STEAP1B: variants seen among roughly 807,000 people sequenced by gnomAD.
The protein encoded by STEAP1B is STEAP family member 1B, also known as STEAP family protein MGC87042.
A neutral mutation model predicts 27.9 loss-of-function variants in STEAP1B; 13 were observed. The ratio of observed to expected loss-of-function variants is 0.47; its 90% CI spans 0.30 to 0.74. The LOEUF is 0.74. STEAP1B is among the 30% of genes least tolerant of loss of function. The pLI, the probability that STEAP1B is intolerant of heterozygous loss-of-function variation, is 0.06. For missense variants in STEAP1B, 250 were observed against 298.7 expected, an observed-to-expected ratio of 0.84 and a Z score of 1.20; for synonymous variants, 86 against 107.1, an observed-to-expected ratio of 0.80 and a Z score of 1.22.
At chr7:22,439,857 A>G (rs1196071661) in intron 4 of STEAP1B, among the ~76,000 whole-genome samples, 1 of 152,204 alleles carries the variant, frequency 6.6e-6, no homozygotes, top group East Asian at 1.9e-4. Context: ...CTACACCCCA[A>G]TAAAACACCA....
Position 22,462,436 on chromosome 7 carries a change from G to C in STEAP1B, c.762+30129C>G, listed in dbSNP as rs1228960355. On this transcript the variant is annotated intron_variant, in intron 4 of 4. Coordinates refer to ENST00000678116, the MANE Select transcript of STEAP1B (RefSeq NM_001382447.1). ...GTGATGTTCCCCTTCCTGTGTCCAT[G>C]TGTTCTCATTGTTCAATTCCCACCT... Among the ~76,000 whole-genome samples the C allele has an allele frequency of 4.8e-5, 6 of 124,102 alleles. No homozygotes were observed. In the East Asian group the frequency reaches 1.5e-3, roughly 30 times the overall value. 81.4% of individuals were successfully genotyped at this position (124,102 alleles called of 152,430 possible).
intron 1 of STEAP1B, among the ~76,000 whole-genome samples, chr7:22,496,311 A>G (rs1337704221): frequency 3.3e-5 from 5 of 152,202 alleles, no homozygotes; most frequent in Non-Finnish European, 7.4e-5. Flanking sequence ...AGTAAAAACA[A>G]TAAGTTAATA....
chr7:22,450,015 G>A (rs552211312), intron 4 of STEAP1B, among the ~76,000 whole-genome samples: 3 of 152,064 alleles, frequency 2.0e-5, no homozygotes, highest in Non-Finnish European at 4.4e-5. Flanking sequence ...AGAGTTGTTT[G>A]AGCTCCTTTT....
Position 22,419,619 on chromosome 7 carries a change from T to A in STEAP1B, c.*185A>T. 1 of 526,656 alleles carries A rather than the reference T, an allele frequency of 1.9e-6. No homozygotes were observed. The highest frequency in any genetic ancestry group is 3.7e-5 in the Admixed American group (1 of 26,862). The allele number at this position is 526,656 out of a possible 1,614,324, so 32.6% of individuals were successfully genotyped here. A position where few individuals can be genotyped will look rare whatever the true frequency, so the allele number is the denominator to read the frequency against. ...TATGGACTTTTTGTTTGCTCTCTCA[T>A]GAGTCCGCTGGGGGATCCACTCATC... On this transcript the variant is annotated 3_prime_UTR_variant, in exon 5 of 5. Coordinates refer to ENST00000678116, the MANE Select transcript of STEAP1B (RefSeq NM_001382447.1).
At chr7:22,420,553 G>A (rs543942820) in intron 4 of STEAP1B, among the ~76,000 whole-genome samples, 10 of 152,320 alleles carry the variant, frequency 6.6e-5, no homozygotes, top group South Asian at 4.1e-4. Flanking sequence ...CTACAAATCC[G>A]GCTTTGTTCT....
chr7:22,474,536 T>C (rs1785939143), intron 4 of STEAP1B, among the ~76,000 whole-genome samples: 1 of 152,226 alleles, frequency 6.6e-6, no homozygotes, highest in Non-Finnish European at 1.5e-5. Context: ...GGGTTCAAAA[T>C]GGTCTGTTGA....
chr7:22,472,539 C>T (rs548829179), intron 4 of STEAP1B, among the ~76,000 whole-genome samples: 12 of 152,310 alleles, frequency 7.9e-5, no homozygotes, highest in African/African-American at 2.6e-4. Flanking sequence ...AGAAGTTTTA[C>T]GGCAAGTTGA....
chr7:22,486,128 G>A (rs1403710948), intron 4 of STEAP1B, among the ~76,000 whole-genome samples: 1 of 151,912 alleles, frequency 6.6e-6, no homozygotes, highest in Non-Finnish European at 1.5e-5. Context: ...CCAGGGGCAA[G>A]GGCACACATC....
At chr7:22,447,957 T>C (rs779419795) in intron 4 of STEAP1B, among the ~76,000 whole-genome samples, 5 of 152,258 alleles carry the variant, frequency 3.3e-5, no homozygotes, top group Non-Finnish European at 5.9e-5. Context: ...ATAAACGTCA[T>C]GCAACCCATA....
At chr7:22,479,956 T>C (rs1365280127) in intron 4 of STEAP1B, among the ~76,000 whole-genome samples, 2 of 152,156 alleles carry the variant, frequency 1.3e-5, no homozygotes, top group African/African-American at 4.8e-5. Context: ...AATTAAAATT[T>C]AAAGATTCTC....
At chr7:22,482,215 A>G (rs755983737) in intron 4 of STEAP1B, among the ~76,000 whole-genome samples, 1 of 152,202 alleles carries the variant, frequency 6.6e-6, no homozygotes, top group Non-Finnish European at 1.5e-5. Context: ...AAGGGTTCCC[A>G]GAAGCAGAGC....
chr7:22,495,086 A>G (rs1472307494), intron 1 of STEAP1B, among the ~76,000 whole-genome samples, 200 bp from the exon 2 acceptor site: 1 of 152,254 alleles, frequency 6.6e-6, no homozygotes, highest in Non-Finnish European at 1.5e-5. Context: ...TATCAACAGT[A>G]ACTGCTCTTC....
chr7:22,454,849 G>GTATATATA (rs1345852147), intron 4 of STEAP1B, among the ~76,000 whole-genome samples: 1 of 100,900 alleles, frequency 9.9e-6, no homozygotes, highest in African/African-American at 3.9e-5. Context: ...ATATATATAT[G>GTATATATA]TATATATATA....
chr7:22,455,527 C>T (rs1430836460), intron 4 of STEAP1B, among the ~76,000 whole-genome samples: 1 of 152,142 alleles, frequency 6.6e-6, no homozygotes, highest in Non-Finnish European at 1.5e-5. Context: ...TTTGGATACC[C>T]TCTTTAGCAA....
intron 4 of STEAP1B, among the ~76,000 whole-genome samples, chr7:22,461,413 C>T (rs1785676234): frequency 1.3e-5 from 2 of 152,128 alleles, no homozygotes; most frequent in Non-Finnish European, 2.9e-5. Flanking sequence ...CAGGTGCCCA[C>T]CACCACGCCC....
chr7:22,493,192 AT>A (rs1181975999), intron 3 of STEAP1B, 131 bp downstream of exon 3: 1 of 1,175,446 alleles, frequency 8.5e-7, no homozygotes, highest in East Asian at 2.6e-5. Context: ...TATAAGAAAA[AT>A]TTTAAAATAG....
At chr7:22,490,406 T>C (rs1187658668) in intron 4 of STEAP1B, among the ~76,000 whole-genome samples, 1 of 152,230 alleles carries the variant, frequency 6.6e-6, no homozygotes, top group Non-Finnish European at 1.5e-5. Flanking sequence ...GTCCTGTCTC[T>C]TGTGGGACTC....
intron 4 of STEAP1B, among the ~76,000 whole-genome samples, chr7:22,463,043 T>C (rs1488074292): frequency 6.6e-6 from 1 of 152,210 alleles, no homozygotes; most frequent in Admixed American, 6.5e-5. Flanking sequence ...TTGAGAAGTG[T>C]CTGTTCATGT....
chr7:22,472,695 A>G (rs1785905377), intron 4 of STEAP1B, among the ~76,000 whole-genome samples: 1 of 152,184 alleles, frequency 6.6e-6, no homozygotes, highest in East Asian at 1.9e-4. Context: ...CTCTTTTCAC[A>G]GCAGTCTTCC....
Sources: gnomAD v4.1 joint callset for allele counts (sites outside exome capture counted in the v4.1 genomes callset) on GRCh38, gnomAD v4.1.1 for gene constraint, MANE v1.5 for transcripts, NCBI Gene and HGNC (gene_info 2026-07-23, HGNC 2026-07-21) for gene names.